The following SETD1B variants were observed in gnomAD, a reference collection of about 807,000 sequenced individuals.
SETD1B encodes SET domain containing 1B, histone lysine methyltransferase.
A neutral mutation model predicts 148.0 loss-of-function variants in SETD1B; 7 were observed. The ratio of observed to expected loss-of-function variants is 0.05; its 90% CI spans 0.03 to 0.09. SETD1B has a LOEUF of 0.09. Ranked by LOEUF, SETD1B falls within the 10% of genes least tolerant of loss-of-function variation. The pLI, the probability that SETD1B is intolerant of heterozygous loss-of-function variation, is 1.00. For synonymous variants in SETD1B, 1,361 were observed against 1,186.5 expected (o/e 1.15, Z -3.02); for missense variants, 2,155 against 2,729.9 (o/e 0.79, Z 4.69).
chr12:121,825,177 T>C (rs765759591), intron 12 of SETD1B, 23 bp from the exon 13 acceptor site: 94 of 1,550,056 alleles, frequency 6.1e-5, no homozygotes, highest in Non-Finnish European at 8.0e-5. Flanking sequence ...AGAATGTCCA[T>C]GTGGCCCTTG....
At position 121,808,634 on chromosome 12, in the gene SETD1B, C is replaced by T. The variant is rs1381923882; in HGVS notation, c.657+314C>T. ...GAGCCTGCCCTGGCCCGCTTTTCCA[C>T]GTTGATGCCAAACATTGCTGTTTCC... On this transcript the variant is annotated intron_variant, in intron 5 of 16. Coordinates refer to ENST00000604567, the MANE Select transcript of SETD1B (RefSeq NM_001353345.2). The surrounding 1 kb of genome is among the most constrained non-coding windows in gnomAD (Gnocchi z 5.3). Among the ~76,000 whole-genome samples the T allele has an allele frequency of 1.3e-5, 2 of 152,246 alleles. No homozygotes were observed. The highest frequency in any genetic ancestry group is 2.4e-5 in the African/African-American group (1 of 41,470).
In SETD1B at chr12:121,814,257, T is replaced by C. The variant is rs1592980553; in HGVS notation, c.2042T>C (p.Leu681Pro). The C allele has an allele frequency of 8.0e-7, 1 of 1,254,940 alleles. No homozygotes were observed. Among genetic ancestry groups the C allele is most frequent in the Admixed American group, 3.0e-5 (1 of 33,514 alleles). The allele number at this position is 1,254,940 out of a possible 1,614,324, so 77.7% of individuals were successfully genotyped here. Residue 681 changes from leucine (L) to proline (P), a missense_variant, in exon 7 of 17, where the codon CTG becomes CCG. Leu to Pro is a moderately conservative substitution (Grantham distance 98). Around this residue, in one of 11 missense-constraint regions of SETD1B, gnomAD observed 295 missense variants for 303.8 expected, o/e 0.97. Transcript: ENST00000604567. ...APSVLAPTLP[L>P]PPPPGFPPLP... ...TCTGTGCTAGCCCCAACCCTGCCGC[T>C]GCCCCCGCCACCTGGCTTCCCCCCG... is the stretch of plus-strand genomic sequence containing the variant.
At chr12:121,793,544 G>T in the SETD1B span, 3 of 1,546,180 alleles carry the variant, frequency 1.9e-6, no homozygotes, top group Non-Finnish European at 2.6e-6. Flanking sequence ...AGGTCTTGCC[G>T]CAGCCGCCGT....
chr12:121,806,846 C>T (rs1875769218), intron 4 of SETD1B, among the ~76,000 whole-genome samples: 1 of 152,222 alleles, frequency 6.6e-6, no homozygotes, highest in Non-Finnish European at 1.5e-5. Context: ...TCGGAGGCCC[C>T]TGCAGGACCA....
chr12:121,813,696 C>T (rs1248249227), intron 6 of SETD1B, among the ~76,000 whole-genome samples: 2 of 152,206 alleles, frequency 1.3e-5, no homozygotes, highest in Admixed American at 1.3e-4. Context: ...GCAACAGTTT[C>T]ATCCTCTGTG....
rs1200076308 is a variant in SETD1B, at chr12:121,823,565, C to G, written c.4986C>G (p.Leu1662=). The G allele has an allele frequency of 6.4e-7, 1 of 1,551,036 alleles. No homozygotes were observed. The highest frequency in any genetic ancestry group is 8.7e-7 in the Non-Finnish European group (1 of 1,146,926). Residue 1662 remains leucine (L), a synonymous_variant, in exon 12 of 17, where the codon CTC becomes CTG. Transcript: ENST00000604567. ...DLVPPAGSPE[L]SPPQPLFRPR... ...TGCCACCTGCGGGCTCGCCCGAACTCTCGCCACCCCAGCCCCTCTTCCGGC... is the reference window on the plus strand; with the variant it reads ...TGCCACCTGCGGGCTCGCCCGAACTGTCGCCACCCCAGCCCCTCTTCCGGC...
intron 6 of SETD1B, among the ~76,000 whole-genome samples, chr12:121,813,480 T>C (rs1289785378): frequency 6.6e-6 from 1 of 152,192 alleles, no homozygotes; most frequent in Non-Finnish European, 1.5e-5. Flanking sequence ...CTCCATCTCT[T>C]CTTGGCTGTG....
chr12:121,809,731 C>A lies in SETD1B; in HGVS notation c.786C>A (p.Arg262=). ...FSQDTAYSSC[R]LDTPNSYGQG... ...AGGACACAGCTTATTCCAGCTGCCG[C>A]CTGGACACACCCAACTCCTATGGAC... Residue 262 remains arginine, a synonymous_variant, in exon 6 of 17, where the codon CGC becomes CGA. Coordinates refer to ENST00000604567, the MANE Select transcript of SETD1B (RefSeq NM_001353345.2). 3 of 1,551,610 alleles carry A rather than the reference C, an allele frequency of 1.9e-6. No individual in the cohort carries two copies. The highest frequency in any genetic ancestry group is 2.6e-6 in the Non-Finnish European group (3 of 1,146,986).
chr12:121,800,939 C>G (rs1249921000), upstream of SETD1B: 1 of 152,180 alleles, frequency 6.6e-6, no homozygotes, highest in Non-Finnish European at 1.5e-5. Flanking sequence ...CCGCCATTAG[C>G]AAAGCAGCCC....
chr12:121,825,182 C>T lies in SETD1B; in HGVS notation c.5171-18C>T, dbSNP rs1362717754. The T allele has an allele frequency of 1.9e-6, 3 of 1,550,348 alleles. No homozygotes were observed. The highest frequency in any genetic ancestry group is 2.6e-6 in the Non-Finnish European group (3 of 1,146,446). On this transcript the variant is annotated intron_variant, in intron 12 of 16. Transcript: ENST00000604567. Reference sequence around the variant, plus strand: ...AGGGGCTCTCAGAATGTCCATGTGGCCCTTGACCCACACCCACCCACCAGC... The same window carrying T: ...AGGGGCTCTCAGAATGTCCATGTGGTCCTTGACCCACACCCACCCACCAGC...
intron 10 of SETD1B, among the ~76,000 whole-genome samples, chr12:121,818,255 G>A (rs1225166788): frequency 1.3e-5 from 2 of 152,138 alleles, no homozygotes; most frequent in African/African-American, 4.8e-5. Context: ...AATGCTGCTG[G>A]AATTATCACT....
rs1185862911 is a variant in SETD1B, at chr12:121,819,444, G to A, written c.3459G>A (p.Thr1153=). The A allele has an allele frequency of 5.2e-5, 81 of 1,552,072 alleles. No individual in the cohort carries two copies. The East Asian group carries it at 7.8e-4, about 15-fold the overall frequency. Residue 1153 remains threonine (T), a synonymous_variant, in exon 11 of 17, where the codon ACG becomes ACA. Transcript: ENST00000604567. ...TTGTAACCTCCAAGGCCGAAGCCAC[G>A]TCGTCCAGTGAGAGTTCCGAGTCTT... ...VSIVTSKAEA[T]SSSESSESSE...
At chr12:121,829,919 G>T (rs1348105200) in intron 16 of SETD1B, 147 bp from the exon 17 acceptor site, 2 of 569,796 alleles carry the variant, frequency 3.5e-6, no homozygotes, top group South Asian at 3.3e-5. Context: ...GGGGGTCGGG[G>T]GAGCCAAGGT....
rs947659470 is a variant in SETD1B at position 121,822,712 on chromosome 12, C to T, written c.4133C>T (p.Thr1378Met). ...CTGGCCAAGTCGCAGAGCACAGAGA[C>T]GGTGCCAGCCACACCAGGCGGGGAG... is the stretch of plus-strand genomic sequence containing the variant. ...GSLAKSQSTE[T>M]VPATPGGEPP... The change falls in exon 12 of 17, where the codon ACG (threonine) becomes ATG (methionine). Residue 1378 changes from threonine to methionine, a missense_variant. Physicochemically the swap from Thr to Met is moderately conservative, Grantham distance 81. Coordinates refer to ENST00000604567, the MANE Select transcript of SETD1B (RefSeq NM_001353345.2). The T allele has an allele frequency of 7.9e-6, 12 of 1,526,142 alleles. No individual in the cohort carries two copies. The highest frequency in any genetic ancestry group is 2.5e-5 in the East Asian group (1 of 40,376). 94.5% of individuals were successfully genotyped at this position (1,526,142 alleles called of 1,614,324 possible).
At position 121,822,722 on chromosome 12, in the gene SETD1B, C is replaced by A; in HGVS notation, c.4143C>A (p.Ala1381=). Residue 1381 remains alanine (A), a synonymous_variant, in exon 12 of 17, where the codon GCC becomes GCA. Coordinates refer to ENST00000604567, the MANE Select transcript of SETD1B (RefSeq NM_001353345.2). ...CGCAGAGCACAGAGACGGTGCCAGC[C>A]ACACCAGGCGGGGAGCCCCCGCTAT... The part of the protein sequence containing the change: ...AKSQSTETVP[A]TPGGEPPLSG... The A allele has an allele frequency of 6.6e-7, 1 of 1,524,448 alleles. No individual in the cohort carries two copies. Among genetic ancestry groups the A allele is most frequent in the Non-Finnish European group, 8.9e-7 (1 of 1,128,184 alleles). The allele number at this position is 1,524,448 out of a possible 1,614,324, so 94.4% of individuals were successfully genotyped here. A position where few individuals can be genotyped will look rare whatever the true frequency, so the allele number is the denominator to read the frequency against.
chr12:121,814,342 G>A lies in SETD1B; in HGVS notation c.2127G>A (p.Leu709=). ...PQPGFPMPPP[L]PPPPPPPPPA... ...CTGGCTTCCCCATGCCCCCACCGCT[G>A]CCCCCACCGCCGCCCCCACCCCCTC... The change falls in exon 7 of 17, where the codon CTG becomes CTA. Residue 709 remains leucine (L), a synonymous_variant. Transcript: ENST00000604567. The A allele has an allele frequency of 1.8e-6, 1 of 553,948 alleles. No individual in the cohort carries two copies. Among genetic ancestry groups the A allele is most frequent in the Non-Finnish European group, 2.7e-6 (1 of 368,318 alleles). The allele number at this position is 553,948 out of a possible 1,614,324, so 34.3% of individuals were successfully genotyped here.
chr12:121,797,820 T>C, the SETD1B span: 6 of 346,744 alleles, frequency 1.7e-5, no homozygotes, highest in Non-Finnish European at 3.4e-5. Context: ...TCAGGGAGTA[T>C]AGAAGGAGGA....
chr12:121,811,227 AT>A (rs1158943810), intron 6 of SETD1B, among the ~76,000 whole-genome samples: 1 of 152,156 alleles, frequency 6.6e-6, no homozygotes, highest in Non-Finnish European at 1.5e-5. Flanking sequence ...TGGCTTGGGA[AT>A]GATCAGGGAG....
Position 121,806,001 on chromosome 12 carries a change from C to G in SETD1B, c.440C>G (p.Ala147Gly). The G allele has an allele frequency of 6.4e-7, 1 of 1,551,668 alleles. No individual in the cohort carries two copies. Reference sequence around the variant, plus strand: ...AAGACCAAGAAGCACCTGGGCATCGCCAAGGTGGTCTTTGCCACGGTCCGG... The same window carrying G: ...AAGACCAAGAAGCACCTGGGCATCGGCAAGGTGGTCTTTGCCACGGTCCGG... ...NPKTKKHLGI[A>G]KVVFATVRGA... The change falls in exon 4 of 17, where the codon GCC (alanine) becomes GGC (glycine). Residue 147 changes from alanine to glycine, a missense_variant. Physicochemically the swap from Ala to Gly is moderately conservative, Grantham distance 60 (BLOSUM62 0). Coordinates refer to ENST00000604567, the MANE Select transcript of SETD1B (RefSeq NM_001353345.2).
Sources: gnomAD v4.1 joint callset for allele counts (sites outside exome capture counted in the v4.1 genomes callset) on GRCh38, gnomAD v4.1.1 for gene constraint, gnomAD v4.1.1 regional missense constraint, Gnocchi (gnomAD v3.1) non-coding constraint, MANE v1.5 for transcripts, NCBI Gene and HGNC (gene_info 2026-07-23, HGNC 2026-07-21) for gene names.